The following AGPAT4 variants were observed in gnomAD, a reference collection of about 807,000 sequenced individuals.
The protein encoded by AGPAT4 is 1-acylglycerol-3-phosphate O-acyltransferase 4.
A neutral mutation model predicts 48.0 loss-of-function variants in AGPAT4; 15 were observed. That is an observed-to-expected ratio of 0.31 (90% CI 0.21 to 0.48). The LOEUF (loss-of-function observed/expected upper bound fraction) is 0.48, where lower values mean the gene tolerates loss of function less well. Among genes scored for constraint, AGPAT4 ranks in the 20% least tolerant of loss-of-function variants. The probability of loss-of-function intolerance (pLI) is 0.99; values close to 1 mark genes in which losing one functional copy is unlikely to be tolerated. For missense variants in AGPAT4, 314 were observed against 482.5 expected, an observed-to-expected ratio of 0.65 and a Z score of 3.27; for synonymous variants, 178 against 198.7, an observed-to-expected ratio of 0.90 and a Z score of 0.88.
At chr6:161,151,173 C>T (rs948748511) in intron 5 of AGPAT4, among the ~76,000 whole-genome samples, 9 of 152,352 alleles carry the variant, frequency 5.9e-5, no homozygotes, top group African/African-American at 1.9e-4. Flanking sequence ...AATCCCAGCT[C>T]GCCATGTACT....
chr6:161,182,236 C>A (rs9365257), intron 2 of AGPAT4, among the ~76,000 whole-genome samples: 9 of 128,144 alleles, frequency 7.0e-5, no homozygotes, highest in South Asian at 5.1e-4. Context: ...ATCCCCTCAT[C>A]CCCGCACCTC....
intron 2 of AGPAT4, among the ~76,000 whole-genome samples, chr6:161,191,155 TTATC>T (rs1732209492): frequency 6.6e-6 from 1 of 152,198 alleles, no homozygotes; most frequent in African/African-American, 2.4e-5. Context: ...TTTACAAACA[TTATC>T]TATGTAACAA....
In AGPAT4 at chr6:161,225,118, C is replaced by T. The variant is rs531574566; in HGVS notation, c.178+6918G>A. ...ATTACCTGCTCTACCCAGACTCATT[C>T]GGATTACCTGCTCCACCCTGACTCC... On this transcript the variant is annotated intron_variant, in intron 2 of 8. Coordinates refer to ENST00000320285, the MANE Select transcript of AGPAT4 (RefSeq NM_020133.3). This position sits in a 1 kb window ranked among gnomAD's most constrained non-coding sequence, Gnocchi z 5.0. Among the ~76,000 whole-genome samples, 1 of 150,394 alleles carries T rather than the reference C, an allele frequency of 6.6e-6. No homozygotes were observed. Among genetic ancestry groups the T allele is most frequent in the Non-Finnish European group, 1.5e-5 (1 of 67,946 alleles).
chr6:161,190,874 G>A (rs886449524), intron 2 of AGPAT4, among the ~76,000 whole-genome samples: 1 of 152,170 alleles, frequency 6.6e-6, no homozygotes, highest in African/African-American at 2.4e-5. Context: ...CCAATAGACT[G>A]TAATCTAAGG....
In AGPAT4 at chr6:161,179,017, G is replaced by A. The variant is rs538216074; in HGVS notation, c.179-12600C>T. On this transcript the variant is annotated intron_variant, in intron 2 of 8. Coordinates refer to ENST00000320285, the MANE Select transcript of AGPAT4 (RefSeq NM_020133.3). ...GGAGAGGGTGCAGAACGCAGTAGGT[G>A]ACCTCTGCAAAGCCCCAAACCATTG... Among the ~76,000 whole-genome samples, 6 of 152,300 alleles carry A rather than the reference G, an allele frequency of 3.9e-5. No homozygotes were observed. The East Asian group carries it at 9.6e-4, about 24-fold the overall frequency.
chr6:161,248,888 G>A (rs1347096729), intron 1 of AGPAT4, among the ~76,000 whole-genome samples: 1 of 152,116 alleles, frequency 6.6e-6, no homozygotes, highest in Non-Finnish European at 1.5e-5. Context: ...AACAAAGCTG[G>A]AGGCATCACA....
rs1013027158 is a variant in AGPAT4 at position 161,202,130 on chromosome 6, C to T, written c.178+29906G>A. On this transcript the variant is annotated intron_variant, in intron 2 of 8. Transcript: ENST00000320285. This position sits in a 1 kb window ranked among gnomAD's most constrained non-coding sequence, Gnocchi z 5.4. The stretch of plus-strand genomic sequence containing the variant: ...GGTACTGGTTATCTATTGCTCATAA[C>T]CAAAATATGATGGCCCAAAATAACA... Among the ~76,000 whole-genome samples the T allele has an allele frequency of 2.0e-5, 3 of 152,128 alleles. No individual in the cohort carries two copies. The highest frequency in any genetic ancestry group is 4.4e-5 in the Non-Finnish European group (3 of 68,014).
At chr6:161,224,640 C>CAAAAAAAAAAAAAA (rs71543000) in intron 2 of AGPAT4, among the ~76,000 whole-genome samples, 1 of 78,672 alleles carries the variant, frequency 1.3e-5, no homozygotes, top group African/African-American at 5.0e-5. Context: ...GACTCCTTCT[C>CAAAAAAAAAAAAAA]AAAAAAAAAA....
intron 2 of AGPAT4, among the ~76,000 whole-genome samples, chr6:161,175,849 T>C (rs1252592238): frequency 1.3e-5 from 2 of 152,226 alleles, no homozygotes; most frequent in East Asian, 1.9e-4. Flanking sequence ...TTTGTTCTCA[T>C]TGGTTTCAAA....
At position 161,158,131 on chromosome 6, in the gene AGPAT4, C is replaced by T. The variant is rs761299182; in HGVS notation, c.349-3821G>A. ...GCGTAATAGTAACAACAATAGATTA[C>T]ATTTATTTAAGCACAACTGAAGAGT... On this transcript the variant is annotated intron_variant, in intron 3 of 8. Transcript: ENST00000320285. This position sits in a 1 kb window ranked among gnomAD's most constrained non-coding sequence, Gnocchi z 5.3. 1.4e-4 allele frequency among the ~76,000 whole-genome samples: 22 copies of T among 152,198 alleles called. No homozygotes were observed. The highest frequency in any genetic ancestry group is 2.8e-4 in the Non-Finnish European group (19 of 68,040).
At chr6:161,186,447 C>A (rs1437994256) in intron 2 of AGPAT4, among the ~76,000 whole-genome samples, 1 of 152,136 alleles carries the variant, frequency 6.6e-6, no homozygotes, top group Non-Finnish European at 1.5e-5. Context: ...ACGGCCCCTG[C>A]AGTCCACCGG....
chr6:161,269,926 C>T (rs540380723), intron 1 of AGPAT4, among the ~76,000 whole-genome samples: 6 of 152,162 alleles, frequency 3.9e-5, no homozygotes, highest in African/African-American at 9.6e-5. Flanking sequence ...CAAATTAGAT[C>T]GGAGAAACAA....
chr6:161,180,748 A>G lies in AGPAT4; in HGVS notation c.179-14331T>C, dbSNP rs561655087. 1.3e-5 allele frequency among the ~76,000 whole-genome samples: 2 copies of G among 152,276 alleles called. No individual in the cohort carries two copies. Among genetic ancestry groups the G allele is most frequent in the African/African-American group, 4.8e-5 (2 of 41,562 alleles). On this transcript the variant is annotated intron_variant, in intron 2 of 8. Transcript: ENST00000320285. This position sits in a 1 kb window ranked among gnomAD's most constrained non-coding sequence, Gnocchi z 6.4. The stretch of plus-strand genomic sequence containing the variant: ...AGGGCCGGGTCTCTCTCCTGGCATC[A>G]TAAGGAGGCTTGGGAGACAGGACGG...
rs1441379683 is a variant in AGPAT4, at chr6:161,161,260, T to C, written c.348+4988A>G. Reference sequence around the variant, plus strand: ...GGGACCGGACTTTTACAGATGAGCATGCGCTCCCACCTCCAGGATGGTAGT... The same window carrying C: ...GGGACCGGACTTTTACAGATGAGCACGCGCTCCCACCTCCAGGATGGTAGT... On this transcript the variant is annotated intron_variant, in intron 3 of 8. Transcript: ENST00000320285. The surrounding 1 kb of genome is among the most constrained non-coding windows in gnomAD (Gnocchi z 4.6). 15 of 456,542 alleles carry C rather than the reference T, an allele frequency of 3.3e-5. No individual in the cohort carries two copies. The highest frequency in any genetic ancestry group is 8.8e-6 in the Non-Finnish European group (2 of 226,942). The allele number at this position is 456,542 out of a possible 1,614,324, so 28.3% of individuals were successfully genotyped here.
intron 1 of AGPAT4, among the ~76,000 whole-genome samples, chr6:161,253,693 T>C (rs1782867009): frequency 6.6e-6 from 1 of 152,218 alleles, no homozygotes; most frequent in Non-Finnish European, 1.5e-5. Flanking sequence ...TCTATGTTTT[T>C]ATTCTTTTAC....
rs1779449028 is a variant in AGPAT4, at chr6:161,146,914, T to C, written c.768-315A>G. Among the ~76,000 whole-genome samples the C allele has an allele frequency of 6.6e-6, 1 of 152,086 alleles. No homozygotes were observed. The highest frequency in any genetic ancestry group is 1.5e-5 in the Non-Finnish European group (1 of 68,014). On this transcript the variant is annotated intron_variant, in intron 6 of 8. Coordinates refer to ENST00000320285, the MANE Select transcript of AGPAT4 (RefSeq NM_020133.3). This position sits in a 1 kb window ranked among gnomAD's most constrained non-coding sequence, Gnocchi z 7.1. ...TCACAAAAAGGCCCCCAAAACCTGA[T>C]ATTTGCCTCTTCCAAAGAGGACAAC...
intron 1 of AGPAT4, among the ~76,000 whole-genome samples, chr6:161,248,408 A>G (rs1782720641): frequency 6.9e-6 from 1 of 144,368 alleles, no homozygotes; most frequent in South Asian, 2.2e-4. Context: ...CTCCGTCTCC[A>G]CTAAAAATAC....
In AGPAT4 at chr6:161,215,763, C is replaced by T. The variant is rs1171968083; in HGVS notation, c.178+16273G>A. Among the ~76,000 whole-genome samples the T allele has an allele frequency of 6.6e-6, 1 of 151,852 alleles. No individual in the cohort carries two copies. The highest frequency in any genetic ancestry group is 1.5e-5 in the Non-Finnish European group (1 of 67,980). ...CAAGATCCAAGTTTCCTGTTGATAG[C>T]TCAAACTCTAAAAGTCCTACCAGCC... On this transcript the variant is annotated intron_variant, in intron 2 of 8. Transcript: ENST00000320285. This position sits in a 1 kb window ranked among gnomAD's most constrained non-coding sequence, Gnocchi z 4.5.
In AGPAT4 at chr6:161,219,885, A is replaced by AGGCAGGCAGGCAGGCAGGCAGGC. The variant is rs1781774155; in HGVS notation, c.178+12128_178+12150dup. Among the ~76,000 whole-genome samples the AGGCAGGCAGGCAGGCAGGCAGGC allele has an allele frequency of 8.3e-6, 1 of 119,786 alleles. No individual in the cohort carries two copies. The highest frequency in any genetic ancestry group is 1.8e-5 in the Non-Finnish European group (1 of 56,434). 78.6% of individuals were successfully genotyped at this position (119,786 alleles called of 152,430 possible). On this transcript the variant is annotated intron_variant, in intron 2 of 8. Transcript: ENST00000320285. This position sits in a 1 kb window ranked among gnomAD's most constrained non-coding sequence, Gnocchi z 4.9. ...TAGATAGATAGATAGGCAGGCAGGC[A>AGGCAGGCAGGCAGGCAGGCAGGC]GGCAGGCAGGCAGGCAGGCAGGCAG...
Sources: gnomAD v4.1 joint callset for allele counts (sites outside exome capture counted in the v4.1 genomes callset) on GRCh38, gnomAD v4.1.1 for gene constraint, Gnocchi (gnomAD v3.1) non-coding constraint, MANE v1.5 for transcripts, NCBI Gene and HGNC (gene_info 2026-07-23, HGNC 2026-07-21) for gene names.